Variants in ZRANB3 observed in about 807,000 individuals in gnomAD.
ZRANB3 encodes DNA annealing helicase and endonuclease ZRANB3.
ZRANB3 carries 125 observed loss-of-function variants against 133.8 expected under a neutral mutation model. That is an observed-to-expected ratio of 0.93 (90% CI 0.81 to 1.08). The LOEUF (loss-of-function observed/expected upper bound fraction) is 1.08. Ranked by LOEUF, ZRANB3 falls within the 50% of genes least tolerant of loss-of-function variation. ZRANB3 has a pLI of 0.00. For missense variants in ZRANB3, 1,229 were observed against 1,275.5 expected (o/e 0.96, Z 0.56); for synonymous variants, 387 against 432.7 (o/e 0.89, Z 1.31).
At chr2:135,369,916 A>T (rs534519876) in intron 3 of ZRANB3, among the ~76,000 whole-genome samples, 11 of 152,198 alleles carry the variant, frequency 7.2e-5, no homozygotes, top group African/African-American at 2.6e-4. Flanking sequence ...CAATAGTATC[A>T]TAGACTTTAT....
At chr2:135,304,022 T>C (rs552393849) in intron 8 of ZRANB3, among the ~76,000 whole-genome samples, 1 of 152,346 alleles carries the variant, frequency 6.6e-6, no homozygotes, top group Non-Finnish European at 1.5e-5. Flanking sequence ...CGATTTTCTA[T>C]GTGGATAATC....
chr2:135,258,035 TC>T (rs1212437410), intron 12 of ZRANB3, among the ~76,000 whole-genome samples: 3 of 152,144 alleles, frequency 2.0e-5, no homozygotes, highest in African/African-American at 7.2e-5. Context: ...ATGCTTGTAA[TC>T]CCAACACTTT....
intron 1 of ZRANB3, among the ~76,000 whole-genome samples, 192 bp downstream of exon 1, chr2:135,530,935 A>C (rs1478415052): frequency 1.3e-5 from 2 of 152,166 alleles, no homozygotes; most frequent in African/African-American, 4.8e-5. Flanking sequence ...GGCCGAAAAG[A>C]GCAATCACCC....
chr2:135,328,397 C>A (rs981453399), intron 6 of ZRANB3, among the ~76,000 whole-genome samples: 2 of 151,980 alleles, frequency 1.3e-5, no homozygotes, highest in Non-Finnish European at 2.9e-5. Context: ...TGAACTCATC[C>A]TTTTTTATGG....
At chr2:135,256,933 C>G (rs866891989) in intron 12 of ZRANB3, among the ~76,000 whole-genome samples, 1 of 152,166 alleles carries the variant, frequency 6.6e-6, no homozygotes, top group Non-Finnish European at 1.5e-5. Flanking sequence ...TCATTATATG[C>G]TAATTATAAT....
chr2:135,234,883 A>G (rs1056965625), intron 12 of ZRANB3, among the ~76,000 whole-genome samples: 1 of 152,194 alleles, frequency 6.6e-6, no homozygotes, highest in Non-Finnish European at 1.5e-5. Context: ...AAAGAACTAG[A>G]GAAGCAAGAG....
intron 12 of ZRANB3, among the ~76,000 whole-genome samples, chr2:135,251,679 T>C (rs1679403495): frequency 6.6e-6 from 1 of 152,196 alleles, no homozygotes; most frequent in South Asian, 2.1e-4. Context: ...ATGTAAGAAG[T>C]GCCTTTCTCC....
Position 135,200,065 on chromosome 2 carries a change from T to A in ZRANB3, c.*277A>T, listed in dbSNP as rs1039659673. On this transcript the variant is annotated 3_prime_UTR_variant, in exon 21 of 21. Transcript: ENST00000264159. ...ATGCACAATACAGTGATTAGGCATA[T>A]TAGGGGTAAAGAGCTTTACAAAACA... 1.5e-5 allele frequency: 7 copies of A among 474,662 alleles called. No individual in the cohort carries two copies. Among genetic ancestry groups the A allele is most frequent in the African/African-American group, 1.4e-4 (7 of 50,666 alleles). The allele number at this position is 474,662 out of a possible 1,614,324, so 29.4% of individuals were successfully genotyped here.
At chr2:135,373,123 C>A (rs1022745579) in intron 3 of ZRANB3, among the ~76,000 whole-genome samples, 1 of 150,548 alleles carries the variant, frequency 6.6e-6, no homozygotes, top group African/African-American at 2.4e-5. Flanking sequence ...GTGATGAGAT[C>A]TTTTCTTTTT....
chr2:135,320,911 T>C (rs1206366526), intron 6 of ZRANB3, among the ~76,000 whole-genome samples: 1 of 152,244 alleles, frequency 6.6e-6, no homozygotes, highest in Non-Finnish European at 1.5e-5. Flanking sequence ...AGTAGCCTTT[T>C]AAATCTTATT....
At chr2:135,286,918 C>A (rs1681401676) in intron 8 of ZRANB3, among the ~76,000 whole-genome samples, 1 of 152,146 alleles carries the variant, frequency 6.6e-6, no homozygotes, top group Admixed American at 6.5e-5. Flanking sequence ...GAAGCTTTTA[C>A]ATTTATTTAA....
At chr2:135,488,541 T>C (rs1692226410) in intron 2 of ZRANB3, among the ~76,000 whole-genome samples, 1 of 151,620 alleles carries the variant, frequency 6.6e-6, no homozygotes, top group Admixed American at 6.6e-5. Context: ...TTATACTATA[T>C]AGCATACTAT....
At chr2:135,496,891 G>A (rs140944949) in intron 2 of ZRANB3, among the ~76,000 whole-genome samples, 5 of 152,194 alleles carry the variant, frequency 3.3e-5, no homozygotes, top group African/African-American at 4.8e-5. Context: ...TGGCTAAGAA[G>A]CACAGTTCTC....
chr2:135,222,882 G>A (rs1285818605), intron 15 of ZRANB3, among the ~76,000 whole-genome samples: 6 of 151,740 alleles, frequency 4.0e-5, no homozygotes, highest in Admixed American at 1.3e-4. Context: ...AGGCTGAGGC[G>A]GGCGGACTGT....
chr2:135,391,582 C>CT (rs200286702), intron 2 of ZRANB3, among the ~76,000 whole-genome samples: 14,409 of 142,042 alleles, frequency 0.1, 1,007 homozygotes, highest in South Asian at 0.32. Flanking sequence ...TTATTTCTTT[C>CT]TTTTTTTTTT....
intron 12 of ZRANB3, among the ~76,000 whole-genome samples, chr2:135,258,696 C>T (rs1293725672): frequency 6.6e-6 from 1 of 152,160 alleles, no homozygotes; most frequent in Non-Finnish European, 1.5e-5. Context: ...AGACTAATTA[C>T]ATAATAATTA....
chr2:135,432,662 C>A (rs1004934296), intron 2 of ZRANB3, among the ~76,000 whole-genome samples: 1 of 152,154 alleles, frequency 6.6e-6, no homozygotes, highest in Middle Eastern at 3.2e-3. Context: ...CCTTGTAAAT[C>A]AACTATTCTT....
chr2:135,277,386 T>C (rs1328980273), intron 8 of ZRANB3, among the ~76,000 whole-genome samples: 1 of 152,182 alleles, frequency 6.6e-6, no homozygotes. Flanking sequence ...GTGTCTTTCT[T>C]GTAAATATAA....
intron 12 of ZRANB3, among the ~76,000 whole-genome samples, chr2:135,255,087 T>C (rs1679588358): frequency 6.6e-6 from 1 of 152,080 alleles, no homozygotes. Context: ...AGAAACCCTA[T>C]ACTCATTAGG....
Sources: gnomAD v4.1 joint callset for allele counts (sites outside exome capture counted in the v4.1 genomes callset) on GRCh38, gnomAD v4.1.1 for gene constraint, MANE v1.5 for transcripts, NCBI Gene and HGNC (gene_info 2026-07-23, HGNC 2026-07-21) for gene names.